MRPL10: variants seen among roughly 807,000 people sequenced by gnomAD.
MRPL10 encodes mitochondrial ribosomal protein L10.
Under a neutral mutation model 19.8 loss-of-function variants are expected in MRPL10, and 14 were observed. The ratio of observed to expected loss-of-function variants is 0.71; its 90% CI spans 0.47 to 1.11. MRPL10 has a LOEUF of 1.11. Among genes scored for constraint, MRPL10 ranks in the 50% least tolerant of loss-of-function variants. The probability of loss-of-function intolerance (pLI) is 0.00; values close to 1 mark genes in which losing one functional copy is unlikely to be tolerated. For synonymous variants in MRPL10, 129 were observed against 139.2 expected, an observed-to-expected ratio of 0.93 and a Z score of 0.52; for missense variants, 318 against 339.6, an observed-to-expected ratio of 0.94 and a Z score of 0.50.
chr17:47,831,275 A>G (rs1441220336), intron 1 of MRPL10, 185 bp downstream of exon 1: 1 of 1,491,424 alleles, frequency 6.7e-7, no homozygotes, highest in Non-Finnish European at 8.9e-7. Context: ...GAAACGCTGG[A>G]GACAGACAAC....
intron 4 of MRPL10, 32 bp downstream of exon 4, chr17:47,826,605 C>T (rs2033536176): frequency 6.2e-7 from 1 of 1,610,866 alleles, no homozygotes; most frequent in Non-Finnish European, 8.5e-7. Context: ...CCCTCTTCAC[C>T]CCACCCCTAA....
At chr17:47,828,753 T>A in intron 1 of MRPL10, 83 bp from the exon 2 acceptor site, 1 of 1,159,144 alleles carries the variant, frequency 8.6e-7, no homozygotes, top group Non-Finnish European at 1.2e-6. Flanking sequence ...ACACACCCTC[T>A]AGCAGAGAAA....
At chr17:47,828,763 A>G in intron 1 of MRPL10, 93 bp from the exon 2 acceptor site, 8 of 1,032,194 alleles carry the variant, frequency 7.8e-6, no homozygotes, top group Non-Finnish European at 1.1e-5. Flanking sequence ...TAGCAGAGAA[A>G]AGCACAGCTC....
At chr17:47,828,367 TG>T in intron 2 of MRPL10, 133 bp downstream of exon 2, 1 of 609,674 alleles carries the variant, frequency 1.6e-6, no homozygotes, top group Non-Finnish European at 2.6e-6. Context: ...TTAAAATATC[TG>T]GATCAGGCAG....
chr17:47,824,242 T>C lies in MRPL10; in HGVS notation c.749A>G (p.Asn250Ser), dbSNP rs767265153. ...QREKDSVMSA[N>S]GKPDPDTVPD... The stretch of plus-strand genomic sequence containing the variant: ...AACAGTGTCAGGATCTGGCTTCCCA[T>C]TGGCCGACATGACAGAATCCTTCTC... The change falls in exon 5 of 5, where the codon AAT (asparagine) becomes AGT (serine). Residue 250 changes from asparagine to serine, a missense_variant. Coordinates refer to ENST00000351111, the MANE Select transcript of MRPL10 (RefSeq NM_145255.4). 92 of 1,614,182 alleles carry C rather than the reference T, an allele frequency of 5.7e-5. No individual in the cohort carries two copies. The highest frequency in any genetic ancestry group is 1.8e-4 in the East Asian group (8 of 44,866).
At position 47,828,672 on chromosome 17, in the gene MRPL10, TG is replaced by T; in HGVS notation, c.53-3del. On this transcript the variant is annotated splice_region_variant and splice_polypyrimidine_tract_variant and intron_variant, in intron 1 of 4. Transcript: ENST00000351111. ...CAGTCTGGAGGGTAGGCAGCCGGCC[TG>T]GGAGGGCATATAGCAACATGGTTAG... is the stretch of plus-strand genomic sequence containing the variant. The T allele has an allele frequency of 6.6e-7, 1 of 1,511,148 alleles. No individual in the cohort carries two copies. The allele number at this position is 1,511,148 out of a possible 1,614,324, so 93.6% of individuals were successfully genotyped here.
intron 4 of MRPL10, among the ~76,000 whole-genome samples, chr17:47,825,260 C>T (rs763497715): frequency 4.0e-5 from 6 of 150,566 alleles, no homozygotes; most frequent in Middle Eastern, 3.6e-3. Context: ...ACCTGGGAGG[C>T]GGAGGTTGCA....
At chr17:47,828,480 T>C (rs367754757) in intron 2 of MRPL10, 21 bp downstream of exon 2, 1 of 1,396,802 alleles carries the variant, frequency 7.2e-7, no homozygotes, top group South Asian at 1.8e-5. Flanking sequence ...CCAAGTGACA[T>C]GTACCCAAAT....
In MRPL10 at chr17:47,824,097, A is replaced by G; in HGVS notation, c.*108T>C. 1 of 1,448,152 alleles carries G rather than the reference A, an allele frequency of 6.9e-7. No individual in the cohort carries two copies. The highest frequency in any genetic ancestry group is 2.3e-5 in the East Asian group (1 of 43,730). 89.7% of individuals were successfully genotyped at this position (1,448,152 alleles called of 1,614,324 possible). ...ACAATATCATTACTAGTGAAAACCA[A>G]GTGACAAACACACTCCCCGACCCCA... On this transcript the variant is annotated 3_prime_UTR_variant, in exon 5 of 5. Coordinates refer to ENST00000351111, the MANE Select transcript of MRPL10 (RefSeq NM_145255.4).
intron 1 of MRPL10, chr17:47,831,215 A>T: frequency 1.0e-6 from 1 of 999,640 alleles, no homozygotes; most frequent in Non-Finnish European, 1.4e-6. Context: ...CTGACACATT[A>T]AGATGGAGAC....
intron 4 of MRPL10, among the ~76,000 whole-genome samples, chr17:47,825,475 A>G (rs1450021442): frequency 6.6e-6 from 1 of 152,150 alleles, no homozygotes; most frequent in Non-Finnish European, 1.5e-5. Flanking sequence ...AAATACAAAA[A>G]TTAGCTGGAC....
At position 47,828,526 on chromosome 17, in the gene MRPL10, G is replaced by T. The variant is rs2033571688; in HGVS notation, c.197C>A (p.Pro66Gln). ...CTCCTGTGGGGGGCTGGGAGGAGAT[G>T]GCAGGCATGATGGGTGGATGGCTGG... is the stretch of plus-strand genomic sequence containing the variant. ...PKPAIHPSCL[P>Q]SPPSPPQEEI... The change falls in exon 2 of 5, where the codon CCA (proline) becomes CAA (glutamine). Residue 66 changes from proline (P) to glutamine (Q), a missense_variant. Coordinates refer to ENST00000351111, the MANE Select transcript of MRPL10 (RefSeq NM_145255.4). 6.9e-7 allele frequency: 1 copy of T among 1,455,142 alleles called. No individual in the cohort carries two copies. Among genetic ancestry groups the T allele is most frequent in the South Asian group, 1.5e-5 (1 of 67,140 alleles). The allele number at this position is 1,455,142 out of a possible 1,614,324, so 90.1% of individuals were successfully genotyped here. A position where few individuals can be genotyped will look rare whatever the true frequency, so the allele number is the denominator to read the frequency against.
chr17:47,828,417 G>T, intron 2 of MRPL10, 84 bp downstream of exon 2: 2 of 994,410 alleles, frequency 2.0e-6, no homozygotes, highest in Non-Finnish European at 2.8e-6. Context: ...ATGGCTGAGT[G>T]TCCTACTTCA....
At chr17:47,831,197 C>T (rs751056701) in intron 1 of MRPL10, 416 of 869,880 alleles carry the variant, frequency 4.8e-4, no homozygotes, top group Non-Finnish European at 6.5e-4. Context: ...CCTGAGGTGA[C>T]ATTTAGACTG....
At chr17:47,825,413 G>C (rs1266219499) in intron 4 of MRPL10, among the ~76,000 whole-genome samples, 1 of 152,160 alleles carries the variant, frequency 6.6e-6, no homozygotes, top group African/African-American at 2.4e-5. Flanking sequence ...ATAATTGCTT[G>C]AAACTAGCAG....
chr17:47,826,585 G>A, intron 4 of MRPL10, 52 bp downstream of exon 4: 1 of 1,603,168 alleles, frequency 6.2e-7, no homozygotes, highest in Non-Finnish European at 8.5e-7. Context: ...CCTAGCAGAT[G>A]GCAGCAGGCC....
intron 4 of MRPL10, 35 bp from the exon 5 acceptor site, chr17:47,824,493 G>A (rs1272070987): frequency 6.6e-7 from 1 of 1,505,988 alleles, no homozygotes; most frequent in Non-Finnish European, 8.8e-7. Flanking sequence ...GCTCCTTGCA[G>A]ATTGCCTTTC....
chr17:47,827,290 T>G, intron 2 of MRPL10, 86 bp from the exon 3 acceptor site: 2 of 1,132,224 alleles, frequency 1.8e-6, no homozygotes, highest in Non-Finnish European at 2.5e-6. Flanking sequence ...TTCTAGGGCT[T>G]CCAGTGATGT....
chr17:47,830,999 A>G (rs1265195052), intron 1 of MRPL10, among the ~76,000 whole-genome samples: 1 of 152,238 alleles, frequency 6.6e-6, no homozygotes, highest in African/African-American at 2.4e-5. Context: ...TGCCTGGCCT[A>G]TATTAAGTGC....
Sources: allele counts gnomAD v4.1 joint callset (sites outside exome capture counted in the v4.1 genomes callset), GRCh38; gene constraint gnomAD v4.1.1; transcripts MANE v1.5; gene names NCBI Gene and HGNC (gene_info 2026-07-23, HGNC 2026-07-21).